The following ERP44 variants were observed in gnomAD, a reference collection of about 807,000 sequenced individuals.
ERP44 encodes endoplasmic reticulum resident protein 44.
In ERP44, 25 loss-of-function variants were observed where a neutral mutation model predicts 53.4. That is an observed-to-expected ratio of 0.47 (90% confidence interval 0.34 to 0.65). ERP44 has a LOEUF of 0.65. Ranked by LOEUF, ERP44 falls within the 30% of genes least tolerant of loss-of-function variation. ERP44 has a pLI of 0.01. For missense variants in ERP44, 338 were observed against 493.2 expected, an observed-to-expected ratio of 0.69 and a Z score of 2.98; for synonymous variants, 145 against 161.2, an observed-to-expected ratio of 0.90 and a Z score of 0.76.
At chr9:100,068,500 G>A (rs1488810168) in intron 1 of ERP44, among the ~76,000 whole-genome samples, 5 of 136,970 alleles carry the variant, frequency 3.7e-5, no homozygotes, top group South Asian at 2.4e-4. Flanking sequence ...CCGGCCAGCC[G>A]CCCCGTCCGG....
intron 10 of ERP44, among the ~76,000 whole-genome samples, chr9:99,987,592 G>A (rs1015365512): frequency 6.6e-6 from 1 of 152,250 alleles, no homozygotes; most frequent in Admixed American, 6.5e-5. Flanking sequence ...TTAGGCTTAA[G>A]TTTTATGAGT....
intron 10 of ERP44, chr9:99,998,378 C>T (rs1394383016): frequency 3.3e-5 from 20 of 609,078 alleles, no homozygotes; most frequent in East Asian, 1.5e-4. Flanking sequence ...CCGCCACACG[C>T]GAGCTCCCGG....
At chr9:100,006,882 G>C (rs1250132350) in intron 9 of ERP44, among the ~76,000 whole-genome samples, 1 of 152,156 alleles carries the variant, frequency 6.6e-6, no homozygotes, top group Admixed American at 6.5e-5. Flanking sequence ...GTGCAAATTT[G>C]AAGGCTATAA....
At chr9:99,997,307 T>C (rs1482133070) in intron 10 of ERP44, among the ~76,000 whole-genome samples, 1 of 152,214 alleles carries the variant, frequency 6.6e-6, no homozygotes, top group Non-Finnish European at 1.5e-5. Flanking sequence ...ATCTACTTTT[T>C]AAAATTTTTT....
At chr9:100,031,418 C>T (rs944622233) in intron 4 of ERP44, among the ~76,000 whole-genome samples, 2 of 152,158 alleles carry the variant, frequency 1.3e-5, no homozygotes, top group Non-Finnish European at 2.9e-5. Flanking sequence ...AGAAACTGTC[C>T]AATGCTGTAG....
In ERP44 at chr9:99,981,293, A is replaced by T. The variant is rs1166779122; in HGVS notation, c.*1319T>A. 6.6e-6 allele frequency: 1 copy of T among 152,496 alleles called. No homozygotes were observed. Among genetic ancestry groups the T allele is most frequent in the East Asian group, 1.9e-4 (1 of 5,208 alleles). The allele number at this position is 152,496 out of a possible 1,614,324, so 9.4% of individuals were successfully genotyped here. ...AACGAGGAATTATAAGCTGGTTTTT[A>T]AAAATAACAATCATTAAATATCCAT... On this transcript the variant is annotated 3_prime_UTR_variant, in exon 12 of 12. Transcript: ENST00000262455.
At chr9:100,048,650 G>A (rs1469190801) in intron 4 of ERP44, among the ~76,000 whole-genome samples, 7 of 152,152 alleles carry the variant, frequency 4.6e-5, no homozygotes, top group South Asian at 2.1e-4. Flanking sequence ...TAAACAAATC[G>A]TGGTATATAC....
intron 5 of ERP44, 120 bp downstream of exon 5, chr9:100,021,922 T>C (rs928728040): frequency 1.2e-6 from 1 of 844,624 alleles, no homozygotes; most frequent in Non-Finnish European, 1.9e-6. Context: ...TCATTAAGTA[T>C]ACGTATGTCA....
At chr9:100,071,872 GATCACGCC>G (rs1423921803) in intron 1 of ERP44, among the ~76,000 whole-genome samples, 1 of 152,146 alleles carries the variant, frequency 6.6e-6, no homozygotes, top group Non-Finnish European at 1.5e-5. Context: ...TGTGAGCTGA[GATCACGCC>G]ATTGCACTCT....
chr9:100,023,511 C>T (rs1830617963), intron 4 of ERP44, among the ~76,000 whole-genome samples: 2 of 151,644 alleles, frequency 1.3e-5, no homozygotes, highest in Admixed American at 1.3e-4. Context: ...TCACCACGGC[C>T]TTAACTTCCT....
rs746292113 is a variant in ERP44, at chr9:99,996,908, C to CAT, written c.1016+9596_1016+9597dup. 0.013 allele frequency among the ~76,000 whole-genome samples: 291 copies of CAT among 22,460 alleles called. No homozygotes were observed. In the East Asian group the frequency reaches 0.16, roughly 12 times the overall value. 14.7% of individuals were successfully genotyped at this position (22,460 alleles called of 152,430 possible). A position where few individuals can be genotyped will look rare whatever the true frequency, so the allele number is the denominator to read the frequency against. On this transcript the variant is annotated intron_variant, in intron 10 of 11. Coordinates refer to ENST00000262455, the MANE Select transcript of ERP44 (RefSeq NM_015051.3). ...TCCATCGTGTATGTGTATATATATACATATATATATATATGTATATATATA... is the reference window on the plus strand; with the variant it reads ...TCCATCGTGTATGTGTATATATATACATATATATATATATATGTATATATATA...
chr9:99,985,719 A>G (rs1830189896), intron 10 of ERP44, among the ~76,000 whole-genome samples: 1 of 152,134 alleles, frequency 6.6e-6, no homozygotes, highest in Non-Finnish European at 1.5e-5. Context: ...TTTTTTTCCT[A>G]AACATAGAGG....
intron 4 of ERP44, among the ~76,000 whole-genome samples, chr9:100,031,539 T>C (rs534018006): frequency 2.0e-5 from 3 of 152,160 alleles, no homozygotes; most frequent in Non-Finnish European, 4.4e-5. Flanking sequence ...CCTTTATCAT[T>C]TGTTGACTCC....
chr9:99,979,657 A>T lies in ERP44; in HGVS notation c.*2955T>A, dbSNP rs1830126454. On this transcript the variant is annotated 3_prime_UTR_variant, in exon 12 of 12. Coordinates refer to ENST00000262455, the MANE Select transcript of ERP44 (RefSeq NM_015051.3). ...AGAGGTAGCTGGCTAAGAAGCAGAA[A>T]GGCCCCCTTTTGGTTCTGGGGACTC... 3.2e-6 allele frequency: 1 copy of T among 312,548 alleles called. No homozygotes were observed. Among genetic ancestry groups the T allele is most frequent in the Non-Finnish European group, 5.8e-6 (1 of 172,546 alleles). 19.4% of individuals were successfully genotyped at this position (312,548 alleles called of 1,614,324 possible).
intron 1 of ERP44, among the ~76,000 whole-genome samples, chr9:100,068,637 C>A (rs1405451781): frequency 6.8e-6 from 1 of 146,950 alleles, no homozygotes; most frequent in Admixed American, 6.7e-5. Context: ...GCCCCCCACC[C>A]GGCCAGCCGC....
Position 100,052,400 on chromosome 9 carries a change from C to T in ERP44, c.286+17G>A. On this transcript the variant is annotated intron_variant, in intron 4 of 11. Coordinates refer to ENST00000262455, the MANE Select transcript of ERP44 (RefSeq NM_015051.3). ...GGATGGGACAGTCTCTTCTAGACTT[C>T]CTATTGAGGTACTTACAGTGCTGAT... 6.9e-7 allele frequency: 1 copy of T among 1,439,928 alleles called. No homozygotes were observed. The highest frequency in any genetic ancestry group is 1.2e-5 in the South Asian group (1 of 84,104). The allele number at this position is 1,439,928 out of a possible 1,614,324, so 89.2% of individuals were successfully genotyped here.
chr9:99,994,138 C>G (rs1830285184), intron 10 of ERP44, among the ~76,000 whole-genome samples: 1 of 152,196 alleles, frequency 6.6e-6, no homozygotes, highest in South Asian at 2.1e-4. Flanking sequence ...TTGACCCAGC[C>G]ATCCCATTAC....
intron 4 of ERP44, among the ~76,000 whole-genome samples, chr9:100,051,596 A>C (rs1826037849): frequency 6.6e-6 from 1 of 152,218 alleles, no homozygotes; most frequent in African/African-American, 2.4e-5. Flanking sequence ...CATTAAAAAA[A>C]GAAAGAAAAA....
At chr9:100,034,001 G>T (rs1158472729) in intron 4 of ERP44, among the ~76,000 whole-genome samples, 4 of 152,126 alleles carry the variant, frequency 2.6e-5, no homozygotes, top group Non-Finnish European at 5.9e-5. Flanking sequence ...ATATGCCAGA[G>T]GCCACTCAAC....
Sources: gnomAD v4.1 joint callset for allele counts (sites outside exome capture counted in the v4.1 genomes callset) on GRCh38, gnomAD v4.1.1 for gene constraint, MANE v1.5 for transcripts, NCBI Gene and HGNC (gene_info 2026-07-23, HGNC 2026-07-21) for gene names.